The following SORBS3 variants were observed in gnomAD, a reference collection of about 807,000 sequenced individuals.
The protein encoded by SORBS3 is vinexin.
A neutral mutation model predicts 98.0 loss-of-function variants in SORBS3; 69 were observed. That is an observed-to-expected ratio of 0.70 (90% confidence interval 0.58 to 0.86). The LOEUF (loss-of-function observed/expected upper bound fraction) is 0.86, where lower values mean the gene tolerates loss of function less well. Ranked by LOEUF, SORBS3 falls within the 40% of genes least tolerant of loss-of-function variation. The probability of loss-of-function intolerance (pLI) is 0.00; values close to 1 mark genes in which losing one functional copy is unlikely to be tolerated. For missense variants in SORBS3, 954 were observed against 908.5 expected (o/e 1.05, Z -0.64); for synonymous variants, 394 against 355.4 (o/e 1.11, Z -1.22).
chr8:22,571,849 A>C lies in SORBS3; in HGVS notation c.1847+28A>C, dbSNP rs1330139402. On this transcript the variant is annotated intron_variant, in intron 19 of 20. Coordinates refer to ENST00000240123, the MANE Select transcript of SORBS3 (RefSeq NM_005775.5). ...GAGTACCATCTGAGGGCTCTTGATC[A>C]GACGTGGGGGGGGTCACTGGCAGGC... 2.0e-6 allele frequency: 3 copies of C among 1,497,020 alleles called. No individual in the cohort carries two copies. In the Admixed American group the frequency reaches 5.0e-5, roughly 25 times the overall value. The allele number at this position is 1,497,020 out of a possible 1,614,324, so 92.7% of individuals were successfully genotyped here.
At chr8:22,561,165 C>G in intron 5 of SORBS3, 170 bp from the exon 6 acceptor site, 1 of 633,736 alleles carries the variant, frequency 1.6e-6, no homozygotes, top group Non-Finnish European at 2.6e-6. Flanking sequence ...TCAAGCCCTC[C>G]AGAGAGCTGC....
At chr8:22,555,865 A>C (rs1394823504) in intron 3 of SORBS3, among the ~76,000 whole-genome samples, 1 of 152,178 alleles carries the variant, frequency 6.6e-6, no homozygotes, top group Non-Finnish European at 1.5e-5. Flanking sequence ...AAAAACAAAA[A>C]CAAAACAAAA....
At chr8:22,559,812 CAAGGTCTAAA>C (rs1840257250) in intron 5 of SORBS3, among the ~76,000 whole-genome samples, 1 of 152,030 alleles carries the variant, frequency 6.6e-6, no homozygotes, top group South Asian at 2.1e-4. Context: ...GTTCACGGGA[CAAGGTCTAAA>C]ACTGCAGATG....
chr8:22,550,611 G>A (rs1463125032), upstream of SORBS3, among the ~76,000 whole-genome samples: 1 of 152,228 alleles, frequency 6.6e-6, no homozygotes, highest in Non-Finnish European at 1.5e-5. Context: ...GAGAAGATAA[G>A]ACTAAAGCAG....
chr8:22,559,204 A>G lies in SORBS3; in HGVS notation c.478+1012A>G, dbSNP rs1043089361. Among the ~76,000 whole-genome samples, 5 of 152,176 alleles carry G rather than the reference A, an allele frequency of 3.3e-5. No homozygotes were observed. In the East Asian group the frequency reaches 7.7e-4, roughly 23 times the overall value. ...AGGCCACCTTTACAACTTTGCTTCA[A>G]TCCAGGGGAGAGATAATCGTGTGTT... On this transcript the variant is annotated intron_variant, in intron 5 of 20. Transcript: ENST00000240123.
At chr8:22,560,872 TGC>T (rs1289668038) in intron 5 of SORBS3, 8,850 of 84,246 alleles carry the variant, frequency 0.11, 359 homozygotes, top group South Asian at 0.15. Flanking sequence ...TGTGTGTGTG[TGC>T]GCGCGCGCAC....
In SORBS3 at chr8:22,567,139, C is replaced by T. The variant is rs745935025; in HGVS notation, c.1269C>T (p.His423=). The change falls in exon 16 of 21, where the codon CAC becomes CAT. Residue 423 remains histidine, a synonymous_variant. Coordinates refer to ENST00000240123, the MANE Select transcript of SORBS3 (RefSeq NM_005775.5). Reference sequence around the variant, plus strand: ...AGAACTGGCTGGAGGGAGAGCACCACGGCCGCCTGGGCATCTTCCCTGCTA... The same window carrying T: ...AGAACTGGCTGGAGGGAGAGCACCATGGCCGCCTGGGCATCTTCCCTGCTA... ...VDKNWLEGEH[H]GRLGIFPANY... 4 of 1,611,764 alleles carry T rather than the reference C, an allele frequency of 2.5e-6. No homozygotes were observed. Among genetic ancestry groups the T allele is most frequent in the Non-Finnish European group, 2.5e-6 (3 of 1,178,720 alleles).
intron 13 of SORBS3, 84 bp downstream of exon 13, chr8:22,566,568 G>A (rs1840427780): frequency 6.3e-7 from 1 of 1,581,460 alleles, no homozygotes; most frequent in African/African-American, 1.4e-5. Context: ...AGGTCACAGA[G>A]CCCCTTGCTT....
At chr8:22,565,680 G>T in intron 11 of SORBS3, 146 bp from the exon 12 acceptor site, 1 of 1,207,512 alleles carries the variant, frequency 8.3e-7, no homozygotes, top group Non-Finnish European at 1.0e-6. Context: ...CCCCGCTCCC[G>T]GGATCGGCCG....
At chr8:22,574,610 C>T in intron 20 of SORBS3, 57 bp from the exon 21 acceptor site, 2 of 1,578,410 alleles carry the variant, frequency 1.3e-6, no homozygotes, top group African/African-American at 1.4e-5. Context: ...GCCCTCACCC[C>T]TGCATCCCTG....
chr8:22,566,644 G>A lies in SORBS3; in HGVS notation c.1091-17G>A, dbSNP rs1840429522. ...CCAGGTATGGCCTCCCCAAGCTGAG[G>A]TTGTGCTTCTCCACAGACCCTAGTG... On this transcript the variant is annotated splice_polypyrimidine_tract_variant and intron_variant, in intron 13 of 20. Coordinates refer to ENST00000240123, the MANE Select transcript of SORBS3 (RefSeq NM_005775.5). 1 of 1,595,810 alleles carries A rather than the reference G, an allele frequency of 6.3e-7. No homozygotes were observed. Among genetic ancestry groups the A allele is most frequent in the Non-Finnish European group, 8.5e-7 (1 of 1,172,952 alleles).
At chr8:22,564,107 C>T (rs1159426308) in intron 8 of SORBS3, 30 bp downstream of exon 8, 1 of 1,599,682 alleles carries the variant, frequency 6.3e-7, no homozygotes, top group Non-Finnish European at 8.6e-7. Flanking sequence ...CCCTGGTCAG[C>T]CCCAGCTGTA....
intron 6 of SORBS3, 51 bp from the exon 7 acceptor site, chr8:22,561,814 C>T (rs1224402739): frequency 6.6e-7 from 1 of 1,521,564 alleles, no homozygotes; most frequent in Admixed American, 1.7e-5. Flanking sequence ...GCCCCAGTCA[C>T]GGCCTGTCTC....
At chr8:22,569,345 AGTTT>A in intron 17 of SORBS3, 72 bp downstream of exon 17, 1 of 1,082,760 alleles carries the variant, frequency 9.2e-7, no homozygotes, top group Non-Finnish European at 1.2e-6. Context: ...CACTAAAAAC[AGTTT>A]TTTTTTTTTG....
Position 22,556,801 on chromosome 8 carries a change from T to C in SORBS3, c.307T>C (p.Trp103Arg). The change falls in exon 4 of 21, where the codon TGG (tryptophan) becomes CGG (arginine). Residue 103 changes from tryptophan (W) to arginine (R), a missense_variant. Trp to Arg is a moderately radical substitution (Grantham distance 101). Coordinates refer to ENST00000240123, the MANE Select transcript of SORBS3 (RefSeq NM_005775.5). Reference protein sequence around the residue: ...KIPASQHTQNWSATWTKDSKR... With the variant: ...KIPASQHTQNRSATWTKDSKR... ...CCCTGCCTCCCAGCACACCCAGAAC[T>C]GGTCAGCCACGTGGACCAAGGACAG... The C allele has an allele frequency of 6.2e-7, 1 of 1,613,688 alleles. No individual in the cohort carries two copies. Among genetic ancestry groups the C allele is most frequent in the Non-Finnish European group, 8.5e-7 (1 of 1,180,006 alleles).
rs62492622 is a variant in SORBS3 at position 22,564,305 on chromosome 8, T to C, written c.698T>C (p.Val233Ala). Residue 233 changes from valine (V) to alanine (A), a missense_variant, in exon 9 of 21, where the codon GTA becomes GCA. Val to Ala is a moderately conservative substitution (Grantham distance 64, BLOSUM62 0). Coordinates refer to ENST00000240123, the MANE Select transcript of SORBS3 (RefSeq NM_005775.5). ...CAGGTGCTCAGACGCCGGGAAAAAG[T>C]AGACAATGTCTGGACGGAAGAGTCC... ...SNQVLRRREK[V>A]DNVWTEESWN... 1,192 of 1,610,412 alleles carry C rather than the reference T, an allele frequency of 7.4e-4. 1 individual carries two copies. The highest frequency in any genetic ancestry group is 9.3e-4 in the Non-Finnish European group (1,098 of 1,178,038).
chr8:22,554,348 C>T lies in SORBS3; in HGVS notation c.-55-104C>T. 1 of 1,226,658 alleles carries T rather than the reference C, an allele frequency of 8.2e-7. No homozygotes were observed. The highest frequency in any genetic ancestry group is 1.1e-6 in the Non-Finnish European group (1 of 912,086). The allele number at this position is 1,226,658 out of a possible 1,614,324, so 76.0% of individuals were successfully genotyped here. ...GAGCTAGTACCCAGCTGGTCCTGAC[C>T]CCCTCCCACAGCCGGCCCCTCCTCC... On this transcript the variant is annotated intron_variant, in intron 1 of 20. Transcript: ENST00000240123. This position sits in a 1 kb window ranked among gnomAD's most constrained non-coding sequence, Gnocchi z 6.5.
In SORBS3 at chr8:22,555,107, C is replaced by T. The variant is rs997026264; in HGVS notation, c.220+127C>T. Reference sequence around the variant, plus strand: ...TTCTCAAGGCCATGAGGAGGTTCCTCAGAGGCCTCTGGGCTCACTATGAGC... The same window carrying T: ...TTCTCAAGGCCATGAGGAGGTTCCTTAGAGGCCTCTGGGCTCACTATGAGC... On this transcript the variant is annotated intron_variant, in intron 3 of 20. Coordinates refer to ENST00000240123, the MANE Select transcript of SORBS3 (RefSeq NM_005775.5). The T allele has an allele frequency of 5.1e-6, 4 of 787,304 alleles. No individual in the cohort carries two copies. In the African/African-American group the frequency reaches 5.2e-5, roughly 10 times the overall value. The allele number at this position is 787,304 out of a possible 1,614,324, so 48.8% of individuals were successfully genotyped here.
At position 22,574,177 on chromosome 8, in the gene SORBS3, C is replaced by G. The variant is rs562894282; in HGVS notation, c.1955-490C>G. The stretch of plus-strand genomic sequence containing the variant: ...ATGCTTTGCCCGCTGGGGTTCCCCC[C>G]CCTCCTCCTCTTCAAGACACGAGTT... On this transcript the variant is annotated intron_variant, in intron 20 of 20. Coordinates refer to ENST00000240123, the MANE Select transcript of SORBS3 (RefSeq NM_005775.5). Among the ~76,000 whole-genome samples the G allele has an allele frequency of 3.2e-3, 485 of 152,296 alleles. 1 individual carries two copies. Among genetic ancestry groups the G allele is most frequent in the African/African-American group, 0.011 (470 of 41,564 alleles).
Sources: gnomAD v4.1 joint callset for allele counts (sites outside exome capture counted in the v4.1 genomes callset) on GRCh38, gnomAD v4.1.1 for gene constraint, Gnocchi (gnomAD v3.1) non-coding constraint, MANE v1.5 for transcripts, NCBI Gene and HGNC (gene_info 2026-07-23, HGNC 2026-07-21) for gene names.